DAB1: variants seen among roughly 807,000 people sequenced by gnomAD.
The protein encoded by DAB1 is disabled homolog 1.
DAB1 carries 15 observed loss-of-function variants against 64.6 expected under a neutral mutation model. That is an observed-to-expected ratio of 0.23 (90% CI 0.16 to 0.36). DAB1 has a LOEUF of 0.36. Among genes scored for constraint, DAB1 ranks in the 10% least tolerant of loss-of-function variants. The pLI is 1.00. For missense variants in DAB1, 596 were observed against 706.7 expected (o/e 0.84, Z 1.78); for synonymous variants, 235 against 251.9 (o/e 0.93, Z 0.64).
At chr1:57,227,191 C>T (rs1667332248) in intron 2 of DAB1, among the ~76,000 whole-genome samples, 2 of 152,190 alleles carry the variant, frequency 1.3e-5, no homozygotes, top group South Asian at 4.1e-4. Flanking sequence ...ATCCAGGAAA[C>T]ATTTGTATCC....
rs145628060 is a variant in DAB1, at chr1:58,287,461, C to T, written n.309+55891G>A. Among the ~76,000 whole-genome samples the T allele has an allele frequency of 2.2e-3, 331 of 152,214 alleles. 1 individual carries two copies. Among genetic ancestry groups the T allele is most frequent in the African/African-American group, 7.6e-3 (316 of 41,532 alleles). On this transcript the variant is annotated intron_variant and non_coding_transcript_variant, in intron 4 of 20. Transcript: ENST00000485760. ...TAGTCAGTGGCTGGAGCCAGAGTCA[C>T]CTGAAGACTACCTTGGGCTGGATGC...
intron 5 of DAB1, among the ~76,000 whole-genome samples, chr1:58,065,252 T>C (rs1246225868): frequency 6.6e-6 from 1 of 152,176 alleles, no homozygotes; most frequent in African/African-American, 2.4e-5. Context: ...AGGATTTGAA[T>C]CCAGGATGTT....
intron 7 of DAB1, among the ~76,000 whole-genome samples, chr1:57,464,124 T>A (rs546646870): frequency 6.6e-6 from 1 of 152,320 alleles, no homozygotes; most frequent in African/African-American, 2.4e-5. Flanking sequence ...AACTAAATGC[T>A]CTACATGGAT....
chr1:57,035,056 C>CA (rs1647096417), intron 9 of DAB1, among the ~76,000 whole-genome samples: 1 of 152,116 alleles, frequency 6.6e-6, no homozygotes, highest in African/African-American at 2.4e-5. Context: ...GAAAAGCCAC[C>CA]ACATCAAATA....
At chr1:58,378,532 C>T in intron 3 of DAB1, among the ~76,000 whole-genome samples, 1 of 49,470 alleles carries the variant, frequency 2.0e-5, no homozygotes, top group African/African-American at 9.9e-5. Context: ...AGGCAGTCTG[C>T]CGGTTCTCAG....
intron 7 of DAB1, among the ~76,000 whole-genome samples, chr1:57,491,289 G>T (rs190800825): frequency 6.6e-6 from 1 of 152,054 alleles, no homozygotes; most frequent in African/African-American, 2.4e-5. Context: ...TTAGCCAGGC[G>T]TGGTGGCAGG....
rs770303067 is a variant in DAB1, at chr1:57,071,004, G to A, written c.597+19C>T. 23 of 1,605,946 alleles carry A rather than the reference G, an allele frequency of 1.4e-5. No homozygotes were observed. Among genetic ancestry groups the A allele is most frequent in the Admixed American group, 1.0e-4 (6 of 59,972 alleles). On this transcript the variant is annotated intron_variant, in intron 7 of 14. Transcript: ENST00000371236. Reference sequence around the variant, plus strand: ...TAGTCACTCTTGAATCTAAAACCCCGACTAGTTTCAGAAATTACCTGGTAC... The same window carrying A: ...TAGTCACTCTTGAATCTAAAACCCCAACTAGTTTCAGAAATTACCTGGTAC...
intron 1 of DAB1, among the ~76,000 whole-genome samples, chr1:58,545,766 T>C (rs895086733): frequency 7.9e-5 from 12 of 152,200 alleles, no homozygotes; most frequent in African/African-American, 2.4e-5. Flanking sequence ...GACTATTTCT[T>C]CTCTAGTTTC....
intron 6 of DAB1, among the ~76,000 whole-genome samples, chr1:57,752,807 C>T (rs1423307079): frequency 6.6e-6 from 1 of 152,194 alleles, no homozygotes; most frequent in Non-Finnish European, 1.5e-5. Context: ...TTATACAGTT[C>T]TTGTAAGGGT....
intron 5 of DAB1, among the ~76,000 whole-genome samples, chr1:57,918,972 T>C (rs931104969): frequency 2.7e-5 from 4 of 150,804 alleles, no homozygotes; most frequent in African/African-American, 9.6e-5. Flanking sequence ...AGCCAAATCA[T>C]AGCATTTACC....
chr1:58,033,093 C>T (rs184487911), intron 5 of DAB1, among the ~76,000 whole-genome samples: 28 of 152,314 alleles, frequency 1.8e-4, no homozygotes, highest in African/African-American at 6.3e-4. Flanking sequence ...CTCCATTCTG[C>T]CCTGTGCTCC....
At chr1:57,848,716 A>G (rs1036808453) in intron 1 of DAB1, among the ~76,000 whole-genome samples, 3 of 152,178 alleles carry the variant, frequency 2.0e-5, no homozygotes, top group African/African-American at 7.2e-5. Context: ...AGGTTGAAGA[A>G]ACCTAAGTTG....
At chr1:58,420,481 G>A (rs898507570) in intron 3 of DAB1, among the ~76,000 whole-genome samples, 8 of 152,196 alleles carry the variant, frequency 5.3e-5, no homozygotes, top group Non-Finnish European at 1.2e-4. Context: ...TTGCATGAGT[G>A]TATATGTAGA....
chr1:58,130,085 GGAGTC>G (rs1653432209), intron 5 of DAB1, among the ~76,000 whole-genome samples: 1 of 129,892 alleles, frequency 7.7e-6, no homozygotes, highest in Admixed American at 7.9e-5. Context: ...TTAATGTGTG[GGAGTC>G]TAAGTCTCTT....
chr1:57,829,935 A>G (rs1652515689), intron 1 of DAB1, among the ~76,000 whole-genome samples: 1 of 152,186 alleles, frequency 6.6e-6, no homozygotes, highest in Admixed American at 6.5e-5. Flanking sequence ...TACTATGTTG[A>G]TATGTTCACA....
At chr1:58,424,727 T>C (rs770203723) in intron 3 of DAB1, among the ~76,000 whole-genome samples, 2 of 152,046 alleles carry the variant, frequency 1.3e-5, no homozygotes, top group Non-Finnish European at 2.9e-5. Flanking sequence ...AAAACTAAAA[T>C]AATAGCTGTG....
intron 7 of DAB1, among the ~76,000 whole-genome samples, chr1:57,587,728 A>G (rs957059879): frequency 8.5e-5 from 13 of 152,308 alleles, no homozygotes; most frequent in African/African-American, 2.4e-4. Context: ...CTGTTTCACA[A>G]TTGAAGACAC....
intron 1 of DAB1, among the ~76,000 whole-genome samples, chr1:57,344,168 A>C (rs933137508): frequency 6.6e-6 from 1 of 152,246 alleles, no homozygotes; most frequent in African/African-American, 2.4e-5. Context: ...GAACCAAGTT[A>C]CAAACCCAAG....
chr1:58,443,726 G>T (rs1251964213), intron 3 of DAB1, among the ~76,000 whole-genome samples: 1 of 152,284 alleles, frequency 6.6e-6, no homozygotes, highest in Non-Finnish European at 1.5e-5. Context: ...AAAGAGCAAA[G>T]TATAAAATAG....
Sources: gnomAD v4.1 joint callset for allele counts (sites outside exome capture counted in the v4.1 genomes callset) on GRCh38, gnomAD v4.1.1 for gene constraint, MANE v1.5 for transcripts, NCBI Gene and HGNC (gene_info 2026-07-23, HGNC 2026-07-21) for gene names.